CFAP221: variants seen among roughly 807,000 people sequenced by gnomAD.
The protein encoded by CFAP221 is cilia and flagella associated protein 221.
CFAP221 carries 97 observed loss-of-function variants against 113.1 expected under a neutral mutation model. The observed-to-expected ratio is 0.86, with a 90% CI of 0.73 to 1.02. The LOEUF is 1.02. Among genes scored for constraint, CFAP221 ranks in the 50% least tolerant of loss-of-function variants. The probability of loss-of-function intolerance (pLI) is 0.00; values close to 1 mark genes in which losing one functional copy is unlikely to be tolerated. For synonymous variants in CFAP221, 331 were observed against 354.4 expected (o/e 0.93, Z 0.74); for missense variants, 1,025 against 1,013.4 (o/e 1.01, Z -0.16).
chr2:119,614,649 C>T (rs1046329463), intron 13 of CFAP221, among the ~76,000 whole-genome samples: 7 of 152,148 alleles, frequency 4.6e-5, no homozygotes, highest in Non-Finnish European at 8.8e-5. Context: ...CCTCACGATT[C>T]AATTATCTCT....
At chr2:119,589,467 G>A (rs1256343932) in intron 7 of CFAP221, 3 of 152,226 alleles carry the variant, frequency 2.0e-5, no homozygotes, top group Non-Finnish European at 1.5e-5. Flanking sequence ...GGTTCAGATA[G>A]ACTAAGAAAC....
At chr2:119,562,456 G>A (rs1429801846) in intron 6 of CFAP221, among the ~76,000 whole-genome samples, 2 of 152,014 alleles carry the variant, frequency 1.3e-5, no homozygotes, top group African/African-American at 4.8e-5. Context: ...TTCTCAACAG[G>A]TCCCCTTCAT....
At chr2:119,597,783 C>G (rs1380986155) in intron 7 of CFAP221, among the ~76,000 whole-genome samples, 1 of 152,026 alleles carries the variant, frequency 6.6e-6, no homozygotes, top group Non-Finnish European at 1.5e-5. Flanking sequence ...TGATGTACAC[C>G]CTATGTAAAT....
At chr2:119,627,509 G>A (rs1460631816) in intron 15 of CFAP221, 144 bp from the exon 16 acceptor site, 3 of 565,870 alleles carry the variant, frequency 5.3e-6, no homozygotes, top group Non-Finnish European at 7.3e-6. Flanking sequence ...CAATGGGACA[G>A]TAAAAGTGGA....
At chr2:119,550,302 G>A (rs1355249345) in intron 3 of CFAP221, among the ~76,000 whole-genome samples, 2 of 152,184 alleles carry the variant, frequency 1.3e-5, no homozygotes, top group Non-Finnish European at 2.9e-5. Context: ...AAACACTGGA[G>A]GAAACTGACA....
chr2:119,565,732 A>G (rs527700925), intron 6 of CFAP221, among the ~76,000 whole-genome samples: 3 of 152,214 alleles, frequency 2.0e-5, no homozygotes, highest in Non-Finnish European at 4.4e-5. Flanking sequence ...TAGCCTTCCA[A>G]GACTTCATAC....
downstream of CFAP221, among the ~76,000 whole-genome samples, chr2:119,657,931 T>G (rs1688491918): frequency 1.3e-5 from 2 of 152,244 alleles, no homozygotes; most frequent in Non-Finnish European, 2.9e-5. Context: ...ATATGTCTTC[T>G]TACTGGTGAT....
chr2:119,566,757 G>C (rs185596986), intron 6 of CFAP221, among the ~76,000 whole-genome samples: 1 of 152,000 alleles, frequency 6.6e-6, no homozygotes, highest in Admixed American at 6.6e-5. Flanking sequence ...GCAACTCCTG[G>C]GTCAGTGCCT....
rs145582259 is a variant in CFAP221, at chr2:119,640,594, T to G, written c.2225+722T>G. Among the ~76,000 whole-genome samples, 116 of 152,314 alleles carry G rather than the reference T, an allele frequency of 7.6e-4. 2 individuals carry two copies. The highest frequency in any genetic ancestry group is 2.6e-3 in the African/African-American group (108 of 41,570). ...CTTATAAATACAGCTAAGTGAGTGA[T>G]TGGTGAACAGATGTGACTGGTGTCC... On this transcript the variant is annotated intron_variant, in intron 21 of 23. Transcript: ENST00000413369.
chr2:119,652,117 T>G, intron 23 of CFAP221, 48 bp downstream of exon 23: 1 of 1,486,406 alleles, frequency 6.7e-7, no homozygotes, highest in South Asian at 1.2e-5. Context: ...TTGGATGAAA[T>G]TTGTTCTGCA....
intron 7 of CFAP221, among the ~76,000 whole-genome samples, chr2:119,594,419 T>C (rs1434256029): frequency 6.6e-6 from 1 of 151,850 alleles, no homozygotes; most frequent in African/African-American, 2.4e-5. Flanking sequence ...TTTGTTATTG[T>C]ATATTTAGTA....
intron 6 of CFAP221, chr2:119,572,931 T>C (rs565510755): frequency 4.5e-5 from 11 of 243,190 alleles, no homozygotes; most frequent in Admixed American, 2.1e-4. Flanking sequence ...CTTGAACTTT[T>C]ATGTCATAAG....
At chr2:119,609,046 T>C (rs923860310) in intron 12 of CFAP221, among the ~76,000 whole-genome samples, 3 of 152,158 alleles carry the variant, frequency 2.0e-5, no homozygotes, top group African/African-American at 7.2e-5. Flanking sequence ...TCAAAGGGGC[T>C]GAGCAGAAAA....
chr2:119,654,000 T>A (rs1282991610), intron 23 of CFAP221, among the ~76,000 whole-genome samples: 2 of 152,216 alleles, frequency 1.3e-5, no homozygotes, highest in Non-Finnish European at 2.9e-5. Flanking sequence ...CCTCATTTAT[T>A]AAAGATAATT....
intron 6 of CFAP221, among the ~76,000 whole-genome samples, chr2:119,583,464 G>T: frequency 6.7e-6 from 1 of 149,018 alleles, no homozygotes. Flanking sequence ...ACTGTGCCTG[G>T]CCTAGACTGT....
rs774592775 is a variant in CFAP221 at position 119,550,184 on chromosome 2, T to TCCAG, written c.240+1003_240+1006dup. Among the ~76,000 whole-genome samples the TCCAG allele has an allele frequency of 6.4e-4, 98 of 152,286 alleles. 1 individual carries two copies. Among genetic ancestry groups the TCCAG allele is most frequent in the African/African-American group, 2.2e-3 (92 of 41,550 alleles). On this transcript the variant is annotated intron_variant, in intron 3 of 23. Coordinates refer to ENST00000413369, the MANE Select transcript of CFAP221 (RefSeq NM_001271049.2). ...GTGATGTCCCTCCTGTGGCCCTGTC[T>TCCAG]CCAGCCACCACAAGACTACTTTTAG...
chr2:119,602,841 C>T (rs1684460451), intron 8 of CFAP221: 16 of 920,902 alleles, frequency 1.7e-5, no homozygotes, highest in Middle Eastern at 5.5e-4. Flanking sequence ...AACATGAGTG[C>T]GATTTTTATT....
At chr2:119,601,970 T>C (rs754838674) in intron 8 of CFAP221, among the ~76,000 whole-genome samples, 5 of 152,262 alleles carry the variant, frequency 3.3e-5, no homozygotes, top group Admixed American at 6.5e-5. Flanking sequence ...AAGTTGTGCT[T>C]CATAACAAAT....
intron 7 of CFAP221, among the ~76,000 whole-genome samples, chr2:119,598,419 G>A (rs76333624): frequency 0.012 from 1,876 of 152,138 alleles, 37 homozygotes; most frequent in African/African-American, 0.042. Context: ...GATACCCATC[G>A]TATTGATAAA....
Sources: gnomAD v4.1 joint callset for allele counts (sites outside exome capture counted in the v4.1 genomes callset) on GRCh38, gnomAD v4.1.1 for gene constraint, MANE v1.5 for transcripts, NCBI Gene and HGNC (gene_info 2026-07-23, HGNC 2026-07-21) for gene names.